The following BMS1 variants were observed in gnomAD, a reference collection of about 807,000 sequenced individuals.
BMS1 encodes BMS1 ribosome biogenesis factor.
In BMS1, 53 loss-of-function variants were observed where a neutral mutation model predicts 138.7. The ratio of observed to expected loss-of-function variants is 0.38; its 90% CI spans 0.31 to 0.48. BMS1 has a LOEUF of 0.48. Ranked by LOEUF, BMS1 falls within the 20% of genes least tolerant of loss-of-function variation. The pLI is 0.97. For synonymous variants in BMS1, 504 were observed against 539.9 expected (o/e 0.93, Z 0.92); for missense variants, 1,360 against 1,565.5 (o/e 0.87, Z 2.22).
At position 42,796,643 on chromosome 10, in the gene BMS1, G is replaced by A; in HGVS notation, c.1399G>A (p.Glu467Lys). ...ENGSSDEEAE[E>K]EENAEMTDQY... ...CGGCTCTAGTGATGAGGAAGCAGAA[G>A]AGGAGGAAAATGCTGAGATGACTGA... The change falls in exon 10 of 23, where the codon GAG (glutamate) becomes AAG (lysine). Residue 467 changes from glutamate (E) to lysine (K), a missense_variant. By Grantham distance (56) the Glu-to-Lys change is moderately conservative. Coordinates refer to ENST00000374518, the MANE Select transcript of BMS1 (RefSeq NM_014753.4). 1.2e-6 allele frequency: 2 copies of A among 1,614,112 alleles called. No individual in the cohort carries two copies. Among genetic ancestry groups the A allele is most frequent in the East Asian group, 4.5e-5 (2 of 44,900 alleles).
chr10:42,825,276 G>T (rs2132389542), intron 21 of BMS1, among the ~76,000 whole-genome samples: 1 of 152,292 alleles, frequency 6.6e-6, no homozygotes, highest in African/African-American at 2.4e-5. Flanking sequence ...CAAAGTGCTG[G>T]AATTACAGGC....
intron 15 of BMS1, among the ~76,000 whole-genome samples, chr10:42,818,491 G>A (rs61844822): frequency 0.064 from 9,760 of 152,202 alleles, 459 homozygotes; most frequent in Non-Finnish European, 0.092. Context: ...AGTCAAACCC[G>A]GATAGACTTT....
intron 4 of BMS1, among the ~76,000 whole-genome samples, chr10:42,788,218 G>A (rs1435907841): frequency 6.6e-6 from 1 of 152,168 alleles, no homozygotes; most frequent in African/African-American, 2.4e-5. Flanking sequence ...TATTAACGTA[G>A]TGTAAGCTTA....
Position 42,825,156 on chromosome 10 carries a change from G to A in BMS1, c.3456+1372G>A, listed in dbSNP as rs193167487. Among the ~76,000 whole-genome samples, 124 of 152,098 alleles carry A rather than the reference G, an allele frequency of 8.2e-4. No individual in the cohort carries two copies. The East Asian group carries it at 0.016, about 20-fold the overall frequency. On this transcript the variant is annotated intron_variant, in intron 21 of 22. Transcript: ENST00000374518. ...CCCAAGTAGCTGGGACTACAGGCAC[G>A]TGCCACTATGCCCAGCCAATTTTTG...
rs1272523260 is a variant in BMS1 at position 42,798,481 on chromosome 10, TGAA to T, written c.2112_2114del (p.Glu704del). On this transcript the variant is annotated inframe_deletion, in exon 12 of 23. Coordinates refer to ENST00000374518, the MANE Select transcript of BMS1 (RefSeq NM_014753.4). ...TGTGCTCTTTAGTGACAGAAGATAA[TGAA>T]GAAGAAGATGATGATACTCTAGAAG... The T allele has an allele frequency of 5.6e-6, 9 of 1,614,048 alleles. No individual in the cohort carries two copies. The highest frequency in any genetic ancestry group is 6.8e-6 in the Non-Finnish European group (8 of 1,180,048).
intron 13 of BMS1, among the ~76,000 whole-genome samples, chr10:42,812,335 A>G (rs1249267830): frequency 6.6e-6 from 1 of 152,162 alleles, no homozygotes. Context: ...TTGGAGAGAC[A>G]AAGCCTTGCT....
At chr10:42,803,506 T>C (rs1285033887) in intron 13 of BMS1, among the ~76,000 whole-genome samples, 1 of 152,076 alleles carries the variant, frequency 6.6e-6, no homozygotes, top group African/African-American at 2.4e-5. Flanking sequence ...TTAATATCAC[T>C]GATCTCTGTT....
chr10:42,828,374 C>T (rs148309009), intron 21 of BMS1, among the ~76,000 whole-genome samples: 110 of 152,250 alleles, frequency 7.2e-4, no homozygotes, highest in Admixed American at 1.3e-3. Context: ...TATTTTTGGC[C>T]GTTATCCCAC....
intron 11 of BMS1, among the ~76,000 whole-genome samples, chr10:42,798,167 C>G (rs535571402): frequency 1.3e-5 from 2 of 152,308 alleles, no homozygotes; most frequent in East Asian, 3.9e-4. Flanking sequence ...ATCTAAAGCT[C>G]TGCCTTTAAA....
chr10:42,816,892 A>G (rs1056647017), intron 14 of BMS1, among the ~76,000 whole-genome samples: 2 of 152,176 alleles, frequency 1.3e-5, no homozygotes, highest in African/African-American at 4.8e-5. Context: ...TCATTTGCCA[A>G]GTCCACTGTG....
chr10:42,823,142 G>A lies in BMS1; in HGVS notation c.3157G>A (p.Val1053Met). 9 of 1,603,548 alleles carry A rather than the reference G, an allele frequency of 5.6e-6. No homozygotes were observed. The highest frequency in any genetic ancestry group is 2.2e-5 in the East Asian group (1 of 44,558). ...IKGMFNSALEVAKFEGAVIRT... is the reference protein window; with the variant it reads ...IKGMFNSALEMAKFEGAVIRT... ...GGGAATGTTTAATTCTGCCTTGGAA[G>A]TGGCCAAATTTGAAGGTGCTGTGAT... Residue 1053 changes from valine to methionine, a missense_variant, in exon 20 of 23, where the codon GTG (valine) becomes ATG (methionine). Coordinates refer to ENST00000374518, the MANE Select transcript of BMS1 (RefSeq NM_014753.4).
chr10:42,790,920 G>T lies in BMS1; in HGVS notation c.636+409G>T, dbSNP rs182408277. 2.0e-5 allele frequency among the ~76,000 whole-genome samples: 3 copies of T among 152,046 alleles called. No individual in the cohort carries two copies. The East Asian group carries it at 5.8e-4, about 29-fold the overall frequency. ...GATTCGCCTCCTGAATTTCCTTTGTGTGTGTATTCACAGTCCCTGGCCTCC... is the reference window on the plus strand; with the variant it reads ...GATTCGCCTCCTGAATTTCCTTTGTTTGTGTATTCACAGTCCCTGGCCTCC... On this transcript the variant is annotated intron_variant, in intron 5 of 22. Transcript: ENST00000374518.
At chr10:42,783,484 C>T (rs561284383) in intron 1 of BMS1, among the ~76,000 whole-genome samples, 3 of 152,188 alleles carry the variant, frequency 2.0e-5, no homozygotes, top group South Asian at 4.2e-4. Flanking sequence ...GTGCCTAGCA[C>T]ATCGTAGACA....
intron 4 of BMS1, among the ~76,000 whole-genome samples, chr10:42,788,507 T>G (rs1333190227): frequency 1.3e-5 from 2 of 152,216 alleles, no homozygotes; most frequent in Non-Finnish European, 2.9e-5. Context: ...TAGGAACATT[T>G]CAATTTCATT....
rs1330197145 is a variant in BMS1 at position 42,784,446 on chromosome 10, G to C, written c.52G>C (p.Ala18Pro). ...CAGAAAGAAAAACAGTGGACCCAAA[G>C]CTGCAAAGAAAAAGAAGCGGCTTCT... ...KHRKKNSGPK[A>P]AKKKKRLLQD... The change falls in exon 2 of 23, where the codon GCT (alanine) becomes CCT (proline). Residue 18 changes from alanine (A) to proline (P), a missense_variant. By Grantham distance (27) the Ala-to-Pro change is conservative (BLOSUM62 -1). Transcript: ENST00000374518. The C allele has an allele frequency of 6.2e-7, 1 of 1,613,202 alleles. No homozygotes were observed. Among genetic ancestry groups the C allele is most frequent in the African/African-American group, 1.3e-5 (1 of 74,912 alleles).
At chr10:42,790,075 G>A (rs1180789985) in intron 4 of BMS1, among the ~76,000 whole-genome samples, 7 of 152,176 alleles carry the variant, frequency 4.6e-5, no homozygotes, top group South Asian at 2.1e-4. Flanking sequence ...CAACTTTTCC[G>A]TCCAGGGCCA....
chr10:42,785,731 C>T (rs1841308331), intron 3 of BMS1, 59 bp downstream of exon 3: 1 of 1,545,090 alleles, frequency 6.5e-7, no homozygotes. Flanking sequence ...GAGGGACATG[C>T]ATGCGTTTGT....
chr10:42,815,519 T>C (rs916605717), intron 13 of BMS1, among the ~76,000 whole-genome samples: 1 of 152,220 alleles, frequency 6.6e-6, no homozygotes, highest in African/African-American at 2.4e-5. Flanking sequence ...TTAATAGCCT[T>C]CTAAACATTG....
At chr10:42,789,105 G>A (rs1356455664) in intron 4 of BMS1, among the ~76,000 whole-genome samples, 5 of 152,216 alleles carry the variant, frequency 3.3e-5, no homozygotes, top group African/African-American at 4.8e-5. Flanking sequence ...GTGTACAGGC[G>A]TGTGTAGATT....
Sources: allele counts gnomAD v4.1 joint callset (sites outside exome capture counted in the v4.1 genomes callset), GRCh38; gene constraint gnomAD v4.1.1; transcripts MANE v1.5; gene names NCBI Gene and HGNC (gene_info 2026-07-23, HGNC 2026-07-21).